The following IGSF21 variants were observed in gnomAD, a reference collection of about 807,000 sequenced individuals.
IGSF21 encodes immunoglobin superfamily member 21, also known as immunoglobulin superfamily member 21.
In IGSF21, 28 loss-of-function variants were observed where a neutral mutation model predicts 46.8. The ratio of observed to expected loss-of-function variants is 0.60; its 90% CI spans 0.44 to 0.82. The LOEUF is 0.82. Ranked by LOEUF, IGSF21 falls within the 40% of genes least tolerant of loss-of-function variation. The pLI, the probability that IGSF21 is intolerant of heterozygous loss-of-function variation, is 0.00. For synonymous variants in IGSF21, 284 were observed against 273.6 expected (o/e 1.04, Z -0.38); for missense variants, 624 against 665.5 (o/e 0.94, Z 0.69).
intron 1 of IGSF21, among the ~76,000 whole-genome samples, chr1:18,128,528 T>C (rs1182112884): frequency 6.6e-6 from 1 of 152,194 alleles, no homozygotes; most frequent in Admixed American, 6.5e-5. Flanking sequence ...CCACCAGTGA[T>C]GCAAGCTCAG....
intron 4 of IGSF21, among the ~76,000 whole-genome samples, chr1:18,341,082 C>CTTCTTCTTCTTCTT (rs1557651938): frequency 2.0e-3 from 200 of 98,696 alleles, no homozygotes; most frequent in Non-Finnish European, 3.1e-3. Context: ...TTCTTCTCCT[C>CTTCTTCTTCTTCTT]CTCCTCCTCC....
intron 2 of IGSF21, among the ~76,000 whole-genome samples, chr1:18,239,642 G>A (rs866329087): frequency 3.9e-5 from 6 of 152,156 alleles, no homozygotes; most frequent in East Asian, 1.9e-4. Flanking sequence ...ATGTGCCAAC[G>A]TTCTTTCCCA....
Position 18,365,404 on chromosome 1 carries a change from C to A in IGSF21, c.722C>A (p.Pro241His), listed in dbSNP as rs746411144. The change falls in exon 6 of 10, where the codon CCC becomes CAC. Residue 241 changes from proline to histidine, a missense_variant. Transcript: ENST00000251296. The surrounding 1 kb of genome is among the most constrained non-coding windows in gnomAD (Gnocchi z 4.8). ...GACGCCGAGAACCGGGGTGGGCGAC[C>A]CTACACGGAGCGCCCCTCCCGTGGC... ...LLDAENRGGR[P>H]YTERPSRGLT... 4.5e-5 allele frequency: 72 copies of A among 1,613,854 alleles called. No individual in the cohort carries two copies. Among genetic ancestry groups the A allele is most frequent in the Non-Finnish European group, 5.7e-5 (67 of 1,180,006 alleles).
chr1:18,233,329 G>C (rs1390252132), intron 2 of IGSF21, among the ~76,000 whole-genome samples: 1 of 152,112 alleles, frequency 6.6e-6, no homozygotes, highest in African/African-American at 2.4e-5. Context: ...CCAGGTGATC[G>C]TCCCCTCTGG....
At chr1:18,224,447 C>T (rs1036760500) in intron 1 of IGSF21, among the ~76,000 whole-genome samples, 4 of 152,174 alleles carry the variant, frequency 2.6e-5, no homozygotes, top group Admixed American at 6.5e-5. Flanking sequence ...AGCCCCTCCC[C>T]CATTGCCTTC....
intron 1 of IGSF21, among the ~76,000 whole-genome samples, chr1:18,189,814 G>C (rs565707862): frequency 6.6e-6 from 1 of 152,318 alleles, no homozygotes; most frequent in African/African-American, 2.4e-5. Flanking sequence ...GCTTACTGAT[G>C]TGTGGCCCGT....
chr1:18,366,587 G>A (rs973913921), intron 6 of IGSF21, among the ~76,000 whole-genome samples: 3 of 152,166 alleles, frequency 2.0e-5, no homozygotes, highest in Non-Finnish European at 2.9e-5. Context: ...TTGCTGGATC[G>A]GGTTCGAGAA....
chr1:18,375,702 G>T (rs931152430), intron 6 of IGSF21, among the ~76,000 whole-genome samples: 3 of 152,194 alleles, frequency 2.0e-5, no homozygotes, highest in Non-Finnish European at 4.4e-5. Flanking sequence ...CTGTTAGAAA[G>T]AGCACTGACT....
At chr1:18,333,653 T>C (rs188219098) in intron 3 of IGSF21, among the ~76,000 whole-genome samples, 2 of 152,326 alleles carry the variant, frequency 1.3e-5, no homozygotes, top group African/African-American at 4.8e-5. Context: ...CTGGTTCTCT[T>C]TGACTCCATG....
intron 2 of IGSF21, among the ~76,000 whole-genome samples, chr1:18,280,515 T>C (rs116225233): frequency 3.7e-4 from 57 of 152,308 alleles, no homozygotes; most frequent in African/African-American, 1.4e-3. Context: ...CACTCAGTTA[T>C]AGCATGTGTA....
chr1:18,189,009 C>A (rs929345605), intron 1 of IGSF21, among the ~76,000 whole-genome samples: 1 of 152,184 alleles, frequency 6.6e-6, no homozygotes, highest in Non-Finnish European at 1.5e-5. Flanking sequence ...GGCACTGCCC[C>A]TGGGCTCACC....
In IGSF21 at chr1:18,145,012, CT is replaced by C. The variant is rs1280323431; in HGVS notation, c.70+36821del. Among the ~76,000 whole-genome samples, 7 of 152,006 alleles carry C rather than the reference CT, an allele frequency of 4.6e-5. No individual in the cohort carries two copies. In the East Asian group the frequency reaches 5.8e-4, roughly 13 times the overall value. On this transcript the variant is annotated intron_variant, in intron 1 of 9. Transcript: ENST00000251296. ...TGAATTATCTGACTCCAAAAGATAA[CT>C]TTTTTTATTATTATTCCAAAAGTAA...
chr1:18,186,608 A>G (rs1263260804), intron 1 of IGSF21, among the ~76,000 whole-genome samples: 1 of 152,170 alleles, frequency 6.6e-6, no homozygotes, highest in Non-Finnish European at 1.5e-5. Flanking sequence ...CCACTCTCCA[A>G]GTAGCAGCTT....
rs1204679172 is a variant in IGSF21 at position 18,362,244 on chromosome 1, G to C, written c.540+14G>C. The C allele has an allele frequency of 6.3e-7, 1 of 1,578,980 alleles. No individual in the cohort carries two copies. The highest frequency in any genetic ancestry group is 8.7e-7 in the Non-Finnish European group (1 of 1,153,234). ...CCAGCACCCATGGTGAGTACCCCTG[G>C]AGTGCCCAGCTCCTTCCTATCTGCC... On this transcript the variant is annotated intron_variant, in intron 5 of 9. Transcript: ENST00000251296.
intron 1 of IGSF21, among the ~76,000 whole-genome samples, chr1:18,182,261 C>T (rs1052883268): frequency 1.3e-5 from 2 of 150,238 alleles, no homozygotes; most frequent in African/African-American, 2.5e-5. Flanking sequence ...ACTACAACCT[C>T]CACTTCCTAG....
rs1161254974 is a variant in IGSF21 at position 18,337,744 on chromosome 1, G to A, written c.424+2734G>A. 2.0e-5 allele frequency among the ~76,000 whole-genome samples: 3 copies of A among 152,182 alleles called. No homozygotes were observed. Among genetic ancestry groups the A allele is most frequent in the East Asian group, 3.9e-4 (2 of 5,184 alleles). ...TCCCAACTGTCATAATGATGGCAATGCCCCACACTTGCCCAATCTGAGCAA... is the reference window on the plus strand; with the variant it reads ...TCCCAACTGTCATAATGATGGCAATACCCCACACTTGCCCAATCTGAGCAA... On this transcript the variant is annotated intron_variant, in intron 4 of 9. Coordinates refer to ENST00000251296, the MANE Select transcript of IGSF21 (RefSeq NM_032880.5). This position sits in a 1 kb window ranked among gnomAD's most constrained non-coding sequence, Gnocchi z 5.7.
chr1:18,144,335 G>A (rs1038940097), intron 1 of IGSF21, among the ~76,000 whole-genome samples: 3 of 152,074 alleles, frequency 2.0e-5, no homozygotes, highest in African/African-American at 7.2e-5. Flanking sequence ...GCTGCCCCAG[G>A]CTAGGAGCCA....
intron 2 of IGSF21, 114 bp from the exon 3 acceptor site, chr1:18,291,752 T>G: frequency 3.2e-6 from 4 of 1,265,470 alleles, no homozygotes; most frequent in Non-Finnish European, 4.5e-6. Flanking sequence ...ATTCTCAGGA[T>G]GGGGGCTGTC....
At chr1:18,346,668 G>A (rs945866002) in intron 4 of IGSF21, among the ~76,000 whole-genome samples, 1 of 152,174 alleles carries the variant, frequency 6.6e-6, no homozygotes, top group African/African-American at 2.4e-5. Flanking sequence ...AGCAGCCAGC[G>A]ATCGCAGAAA....
Sources: gnomAD v4.1 joint callset for allele counts (sites outside exome capture counted in the v4.1 genomes callset) on GRCh38, gnomAD v4.1.1 for gene constraint, Gnocchi (gnomAD v3.1) non-coding constraint, MANE v1.5 for transcripts, NCBI Gene and HGNC (gene_info 2026-07-23, HGNC 2026-07-21) for gene names.